Variants in SEMA6A observed in about 807,000 individuals in gnomAD.
The protein encoded by SEMA6A is semaphorin 6A.
SEMA6A carries 25 observed loss-of-function variants against 96.8 expected under a neutral mutation model. The ratio of observed to expected loss-of-function variants is 0.26; its 90% CI spans 0.19 to 0.36. The LOEUF (loss-of-function observed/expected upper bound fraction) is 0.36. Ranked by LOEUF, SEMA6A falls within the 10% of genes least tolerant of loss-of-function variation. The pLI is 1.00. For missense variants in SEMA6A, 1,363 were observed against 1,323.1 expected, an observed-to-expected ratio of 1.03 and a Z score of -0.47; for synonymous variants, 612 against 518.0, an observed-to-expected ratio of 1.18 and a Z score of -2.46.
intron 18 of SEMA6A, among the ~76,000 whole-genome samples, chr5:116,452,193 C>A (rs1283882921): frequency 2.0e-5 from 3 of 152,220 alleles, no homozygotes; most frequent in Non-Finnish European, 4.4e-5. Flanking sequence ...CCCCTGCATC[C>A]TCTTCTGCTC....
chr5:116,540,501 G>C (rs1440912261), intron 1 of SEMA6A, among the ~76,000 whole-genome samples: 1 of 152,158 alleles, frequency 6.6e-6, no homozygotes, highest in Non-Finnish European at 1.5e-5. Context: ...CTCCTGGGAA[G>C]GCCTGGTCCC....
chr5:116,458,740 C>G (rs1301347708), intron 18 of SEMA6A, among the ~76,000 whole-genome samples: 1 of 151,664 alleles, frequency 6.6e-6, no homozygotes, highest in Non-Finnish European at 1.5e-5. Context: ...CTTTTTTTTT[C>G]CTGCTACCCT....
intron 18 of SEMA6A, among the ~76,000 whole-genome samples, chr5:116,459,126 T>G (rs1365383955): frequency 1.3e-5 from 2 of 152,130 alleles, no homozygotes; most frequent in African/African-American, 4.8e-5. Flanking sequence ...CCCCACTGTT[T>G]TAACTAAAGA....
chr5:116,539,123 A>C (rs1057349817), intron 1 of SEMA6A, among the ~76,000 whole-genome samples: 1 of 152,278 alleles, frequency 6.6e-6, no homozygotes, highest in East Asian at 1.9e-4. Flanking sequence ...AATGTCCCCA[A>C]AATGGCAGTG....
At chr5:116,490,988 C>A (rs2112730543) in intron 7 of SEMA6A, among the ~76,000 whole-genome samples, 1 of 152,262 alleles carries the variant, frequency 6.6e-6, no homozygotes, top group African/African-American at 2.4e-5. Context: ...TTCTTTATAT[C>A]TTTTGCAGTG....
chr5:116,531,222 A>C (rs1425859594), intron 1 of SEMA6A, among the ~76,000 whole-genome samples: 1 of 152,144 alleles, frequency 6.6e-6, no homozygotes, highest in African/African-American at 2.4e-5. Context: ...GGGGATCCAG[A>C]GTAGAGAAAA....
At chr5:116,571,094 C>G (rs188048213) in intron 1 of SEMA6A, among the ~76,000 whole-genome samples, 6 of 152,280 alleles carry the variant, frequency 3.9e-5, no homozygotes, top group Admixed American at 3.3e-4. Flanking sequence ...ATCATAACCA[C>G]TCACTTGAAG....
intron 1 of SEMA6A, among the ~76,000 whole-genome samples, chr5:116,565,979 C>A (rs1268160262): frequency 6.6e-6 from 1 of 152,096 alleles, no homozygotes; most frequent in African/African-American, 2.4e-5. Context: ...GAATACTTTT[C>A]TTTAAAAAAC....
Position 116,482,513 on chromosome 5 carries a change from C to A in SEMA6A, c.1025G>T (p.Arg342Ile), listed in dbSNP as rs933514121. 3 of 1,613,534 alleles carry A rather than the reference C, an allele frequency of 1.9e-6. No individual in the cohort carries two copies. The highest frequency in any genetic ancestry group is 2.5e-6 in the Non-Finnish European group (3 of 1,179,678). Reference protein sequence around the residue: ...MLDIASVFTGRFKEQKSPDST... With the variant: ...MLDIASVFTGIFKEQKSPDST... ...ATCAGGAGACTTCTGTTCCTTGAAT[C>A]TCCCAGTAAAAACACTGGCAATGTC... The change falls in exon 11 of 19, where the codon AGA becomes ATA. Residue 342 changes from arginine to isoleucine, a missense_variant. Physicochemically the swap from Arg to Ile is moderately conservative, Grantham distance 97. Coordinates refer to ENST00000343348, the MANE Select transcript of SEMA6A (RefSeq NM_020796.5).
Position 116,447,501 on chromosome 5 carries a change from G to C in SEMA6A, c.2205C>G (p.Pro735=), listed in dbSNP as rs757966330. 3 of 1,613,976 alleles carry C rather than the reference G, an allele frequency of 1.9e-6. No homozygotes were observed. The highest frequency in any genetic ancestry group is 1.1e-5 in the South Asian group (1 of 91,094). ...TAATGAGCATCTTGGCCGTGTTGCC[G>C]GGAGTGGCGAGCTTGCCGTTGTGCA... The part of the protein sequence containing the change: ...PLMHNGKLAT[P]GNTAKMLIKA... The change falls in exon 19 of 19, where the codon CCC becomes CCG. Residue 735 remains proline, a synonymous_variant. Coordinates refer to ENST00000343348, the MANE Select transcript of SEMA6A (RefSeq NM_020796.5).
chr5:116,449,919 G>A (rs1264352212), intron 18 of SEMA6A: 1 of 152,246 alleles, frequency 6.6e-6, no homozygotes, highest in African/African-American at 2.4e-5. Flanking sequence ...AAAAACAGCC[G>A]GAAATTTGGC....
intron 5 of SEMA6A, 38 bp downstream of exon 5, chr5:116,496,213 C>A (rs200368544): frequency 6.3e-7 from 1 of 1,577,816 alleles, no homozygotes; most frequent in Non-Finnish European, 8.7e-7. Flanking sequence ...AAAACTTAAC[C>A]CAAAGTGGCA....
intron 18 of SEMA6A, among the ~76,000 whole-genome samples, chr5:116,455,178 G>A (rs904667560): frequency 2.8e-4 from 43 of 152,114 alleles, no homozygotes; most frequent in African/African-American, 1.0e-3. Context: ...TGCTGGGAAC[G>A]CTCAGTTCAC....
Position 116,549,430 on chromosome 5 carries a change from G to A in SEMA6A, c.-39+24755C>T, listed in dbSNP as rs552518230. Among the ~76,000 whole-genome samples the A allele has an allele frequency of 2.0e-5, 3 of 152,188 alleles. No individual in the cohort carries two copies. In the East Asian group the frequency reaches 5.8e-4, roughly 29 times the overall value. On this transcript the variant is annotated intron_variant, in intron 1 of 18. Coordinates refer to ENST00000343348, the MANE Select transcript of SEMA6A (RefSeq NM_020796.5). ...ATAAAGCCCTCATGGATTTGGAAGGGGAAACAAGAATGGGGAGCTGGTATG... is the reference window on the plus strand; with the variant it reads ...ATAAAGCCCTCATGGATTTGGAAGGAGAAACAAGAATGGGGAGCTGGTATG...
intron 15 of SEMA6A, among the ~76,000 whole-genome samples, chr5:116,475,809 T>TAA (rs1238783503): frequency 6.6e-6 from 1 of 152,212 alleles, no homozygotes; most frequent in Non-Finnish European, 1.5e-5. Flanking sequence ...AGCCATGGTT[T>TAA]AAGCAGTGAA....
chr5:116,490,443 C>A lies in SEMA6A; in HGVS notation c.535+1297G>T, dbSNP rs1002862682. ...ATTCTCCCCTGCAGCCCACATTCTC[C>A]AAGGCCCCAACTAATGCAGGTTCCA... On this transcript the variant is annotated intron_variant, in intron 7 of 18. Coordinates refer to ENST00000343348, the MANE Select transcript of SEMA6A (RefSeq NM_020796.5). 1.2e-4 allele frequency among the ~76,000 whole-genome samples: 19 copies of A among 152,194 alleles called. 1 individual carries two copies. The highest frequency in any genetic ancestry group is 1.1e-3 in the Admixed American group (17 of 15,280).
intron 1 of SEMA6A, among the ~76,000 whole-genome samples, chr5:116,551,883 C>T (rs749872627): frequency 7.9e-5 from 12 of 152,212 alleles, no homozygotes; most frequent in African/African-American, 1.2e-4. Context: ...GACAATGTAA[C>T]GTATCAGGAG....
intron 1 of SEMA6A, among the ~76,000 whole-genome samples, chr5:116,569,618 C>T (rs1761129964): frequency 6.6e-6 from 1 of 152,126 alleles, no homozygotes. Flanking sequence ...AGGAGAGGAC[C>T]ATGGCTTGGC....
At position 116,486,898 on chromosome 5, in the gene SEMA6A, T is replaced by C. The variant is rs778641780; in HGVS notation, c.813A>G (p.Lys271=). ...DMGGSQRVLE[K]QWTSFLKARL... ...GCGCCTTCAGGAACGACGTCCACTGTTTCTCCAGGACTCTTTGAGATCCTC... is the reference window on the plus strand; with the variant it reads ...GCGCCTTCAGGAACGACGTCCACTGCTTCTCCAGGACTCTTTGAGATCCTC... Residue 271 remains lysine (K), a synonymous_variant, in exon 10 of 19, where the codon AAA becomes AAG. Transcript: ENST00000343348. 6.2e-7 allele frequency: 1 copy of C among 1,613,728 alleles called. No homozygotes were observed. Among genetic ancestry groups the C allele is most frequent in the Admixed American group, 1.7e-5 (1 of 59,984 alleles).
Sources: gnomAD v4.1 joint callset for allele counts (sites outside exome capture counted in the v4.1 genomes callset) on GRCh38, gnomAD v4.1.1 for gene constraint, MANE v1.5 for transcripts, NCBI Gene and HGNC (gene_info 2026-07-23, HGNC 2026-07-21) for gene names.